GRM7: variants seen among roughly 807,000 people sequenced by gnomAD.
GRM7 encodes metabotropic glutamate receptor 7.
GRM7 carries 35 observed loss-of-function variants against 84.5 expected under a neutral mutation model. The observed-to-expected ratio is 0.41, with a 90% CI of 0.32 to 0.55. The LOEUF (loss-of-function observed/expected upper bound fraction) is 0.55, where lower values mean the gene tolerates loss of function less well. GRM7 is among the 20% of genes least tolerant of loss of function. GRM7 has a pLI of 0.19. For missense variants in GRM7, 1,003 were observed against 1,194.6 expected (o/e 0.84, Z 2.36); for synonymous variants, 487 against 455.1 (o/e 1.07, Z -0.89).
At chr3:7,488,879 T>TTATTTATTTATTTATA (rs1699419750) in intron 7 of GRM7, among the ~76,000 whole-genome samples, 2 of 151,920 alleles carry the variant, frequency 1.3e-5, no homozygotes, top group African/African-American at 4.8e-5. Context: ...ATTTATTTAT[T>TTATTTATTTATTTATA]TATTTATTTT....
At chr3:7,223,878 T>C (rs1392431923) in intron 2 of GRM7, among the ~76,000 whole-genome samples, 2 of 152,192 alleles carry the variant, frequency 1.3e-5, no homozygotes, top group Non-Finnish European at 2.9e-5. Context: ...TTTCTTAGCG[T>C]TGGTGAAGCT....
At chr3:6,999,518 C>G (rs1054187288) in intron 1 of GRM7, among the ~76,000 whole-genome samples, 4 of 152,146 alleles carry the variant, frequency 2.6e-5, no homozygotes, top group African/African-American at 9.7e-5. Flanking sequence ...TAGCAGCACC[C>G]CACTCTCTGC....
chr3:7,461,880 A>G (rs1698263193), intron 7 of GRM7, among the ~76,000 whole-genome samples, 158 bp downstream of exon 7: 1 of 152,178 alleles, frequency 6.6e-6, no homozygotes, highest in Non-Finnish European at 1.5e-5. Context: ...ATCCAATAAT[A>G]ATGATGGTGA....
rs138874035 is a variant in GRM7, at chr3:7,452,788, A to C, written c.1356A>C (p.Ile452=). ...GAGGCAAGAAGTTGCTGAAGTATATACGCAATGTTAATTTCAATGGTGAGT... is the reference window on the plus strand; with the variant it reads ...GAGGCAAGAAGTTGCTGAAGTATATCCGCAATGTTAATTTCAATGGTGAGT... ...QAGGKKLLKY[I]RNVNFNGSAG... is the part of the protein sequence containing the mutation. Residue 452 remains isoleucine (I), a synonymous_variant, in exon 6 of 10, where the codon ATA becomes ATC. Coordinates refer to ENST00000357716, the MANE Select transcript of GRM7 (RefSeq NM_000844.4). 183 of 1,610,784 alleles carry C rather than the reference A, an allele frequency of 1.1e-4. 1 individual carries two copies. The African/African-American group carries it at 2.0e-3, about 18-fold the overall frequency.
At chr3:6,865,042 C>T (rs1261694827) in intron 1 of GRM7, among the ~76,000 whole-genome samples, 5 of 152,170 alleles carry the variant, frequency 3.3e-5, no homozygotes, top group Admixed American at 3.3e-4. Flanking sequence ...TCAAATCAAT[C>T]CAGGAATTTG....
intron 1 of GRM7, among the ~76,000 whole-genome samples, chr3:7,126,830 C>A (rs922033440): frequency 2.0e-5 from 3 of 152,156 alleles, no homozygotes; most frequent in Non-Finnish European, 4.4e-5. Flanking sequence ...ATCTCCCTGG[C>A]TCACTGCTGT....
intron 1 of GRM7, among the ~76,000 whole-genome samples, chr3:6,927,485 GA>G (rs1553595207): frequency 8.6e-6 from 1 of 116,678 alleles, no homozygotes; most frequent in Admixed American, 9.1e-5. Flanking sequence ...AAGAAAGAAA[GA>G]AAGAAAGAAA....
intron 1 of GRM7, among the ~76,000 whole-genome samples, chr3:6,972,307 C>T (rs1415026329): frequency 1.3e-5 from 2 of 152,032 alleles, no homozygotes; most frequent in Non-Finnish European, 2.9e-5. Flanking sequence ...ATACATTGGC[C>T]CTTCCTCAAA....
intron 7 of GRM7, among the ~76,000 whole-genome samples, chr3:7,506,174 C>G (rs1328917285): frequency 6.6e-6 from 1 of 152,176 alleles, no homozygotes; most frequent in Non-Finnish European, 1.5e-5. Flanking sequence ...GGCACAGGCA[C>G]AGTTCATTGT....
At chr3:7,619,843 A>C (rs992033491) in intron 8 of GRM7, among the ~76,000 whole-genome samples, 1 of 152,124 alleles carries the variant, frequency 6.6e-6, no homozygotes, top group African/African-American at 2.4e-5. Context: ...TTCTAAGTTC[A>C]CCTTCCTCAG....
intron 4 of GRM7, among the ~76,000 whole-genome samples, chr3:7,365,469 T>G (rs970413776): frequency 4.0e-5 from 6 of 151,640 alleles, no homozygotes; most frequent in African/African-American, 1.2e-4. Context: ...GGTCTTCCAG[T>G]TCACTGATTA....
intron 8 of GRM7, among the ~76,000 whole-genome samples, chr3:7,580,136 C>T (rs1024029360): frequency 6.6e-6 from 1 of 152,210 alleles, no homozygotes; most frequent in Non-Finnish European, 1.5e-5. Flanking sequence ...GACAATTCTA[C>T]GGTGTTGATT....
intron 5 of GRM7, among the ~76,000 whole-genome samples, chr3:7,427,953 T>A (rs999441349): frequency 6.6e-6 from 1 of 152,122 alleles, no homozygotes; most frequent in Admixed American, 6.6e-5. Context: ...TATGTTTCTT[T>A]TTGTTTCTTT....
chr3:6,943,229 T>C (rs1697950259), intron 1 of GRM7, among the ~76,000 whole-genome samples: 2 of 151,950 alleles, frequency 1.3e-5, no homozygotes, highest in Non-Finnish European at 2.9e-5. Context: ...CTAATTTATA[T>C]ATATTTTTTC....
intron 1 of GRM7, among the ~76,000 whole-genome samples, chr3:7,029,315 C>CAAAAAAAAAAAAAAAA (rs1207041327): frequency 1.1e-5 from 1 of 92,826 alleles, no homozygotes; most frequent in Non-Finnish European, 2.4e-5. Context: ...AAAAAAAAAA[C>CAAAAAAAAAAAAAAAA]AAAAAAAAAA....
At chr3:7,607,447 CCAAAA>C (rs1696636403) in intron 8 of GRM7, 1 of 151,990 alleles carries the variant, frequency 6.6e-6, no homozygotes, top group African/African-American at 2.4e-5. Flanking sequence ...ATAAAGAAAA[CCAAAA>C]CAAAACAAAA....
At chr3:6,964,486 T>C (rs905865971) in intron 1 of GRM7, among the ~76,000 whole-genome samples, 1 of 152,154 alleles carries the variant, frequency 6.6e-6, no homozygotes, top group South Asian at 2.1e-4. Context: ...TTGCCCCCCA[T>C]GGTGACTTGT....
intron 4 of GRM7, among the ~76,000 whole-genome samples, chr3:7,400,283 T>C (rs533890371): frequency 1.1e-3 from 164 of 152,272 alleles, no homozygotes; most frequent in African/African-American, 3.9e-3. Context: ...CATGAATACT[T>C]CTATAGCAAT....
chr3:7,171,407 A>G (rs1694978410), intron 2 of GRM7, among the ~76,000 whole-genome samples: 1 of 152,164 alleles, frequency 6.6e-6, no homozygotes, highest in African/African-American at 2.4e-5. Flanking sequence ...CTATCTCTAA[A>G]TAAGATCACA....
Sources: gnomAD v4.1 joint callset for allele counts (sites outside exome capture counted in the v4.1 genomes callset) on GRCh38, gnomAD v4.1.1 for gene constraint, MANE v1.5 for transcripts, NCBI Gene and HGNC (gene_info 2026-07-23, HGNC 2026-07-21) for gene names.